SPECC1: variants seen among roughly 807,000 people sequenced by gnomAD.
SPECC1 encodes the protein cytospin-B.
Under a neutral mutation model 104.1 loss-of-function variants are expected in SPECC1, and 62 were observed. The observed-to-expected ratio is 0.60, with a 90% CI of 0.49 to 0.74. The LOEUF (loss-of-function observed/expected upper bound fraction) is 0.74. SPECC1 is among the 30% of genes least tolerant of loss of function. SPECC1 has a pLI of 0.00. For missense variants in SPECC1, 1,306 were observed against 1,310.5 expected, an observed-to-expected ratio of 1.00 and a Z score of 0.05; for synonymous variants, 513 against 501.6, an observed-to-expected ratio of 1.02 and a Z score of -0.30.
At chr17:20,210,039 A>G (rs1337498909) in intron 4 of SPECC1, among the ~76,000 whole-genome samples, 3 of 152,188 alleles carry the variant, frequency 2.0e-5, no homozygotes, top group African/African-American at 7.2e-5. Context: ...GAGTCAGCAG[A>G]GGTGAAATGA....
At chr17:20,093,726 GTTTTTTGTT>G (rs765237179) in intron 1 of SPECC1, among the ~76,000 whole-genome samples, 10,163 of 143,380 alleles carry the variant, frequency 0.071, 397 homozygotes, top group Non-Finnish European at 0.08. Flanking sequence ...TTTTGTTTTT[GTTTTTTGTT>G]TTTTTTTTTT....
intron 1 of SPECC1, among the ~76,000 whole-genome samples, chr17:20,039,306 T>A (rs2045225480): frequency 6.6e-6 from 1 of 152,220 alleles, no homozygotes; most frequent in Admixed American, 6.6e-5. Flanking sequence ...AACTCCATGC[T>A]GATTTTTTTG....
At chr17:20,257,770 G>A (rs1213805327) in intron 11 of SPECC1, among the ~76,000 whole-genome samples, 163 bp downstream of exon 11, 1 of 152,238 alleles carries the variant, frequency 6.6e-6, no homozygotes, top group African/African-American at 2.4e-5. Context: ...AAGGATGACA[G>A]TGGATAGTAG....
chr17:20,143,403 T>C (rs1170552056), intron 3 of SPECC1, among the ~76,000 whole-genome samples: 1 of 143,312 alleles, frequency 7.0e-6, no homozygotes, highest in Non-Finnish European at 1.5e-5. Context: ...AAAAAAAAAG[T>C]CCGAGCGTGG....
chr17:20,257,527 C>T lies in SPECC1; in HGVS notation c.2757C>T (p.Ser919=). 6.2e-7 allele frequency: 1 copy of T among 1,613,494 alleles called. No individual in the cohort carries two copies. Among genetic ancestry groups the T allele is most frequent in the South Asian group, 1.1e-5 (1 of 90,958 alleles). ...AGAGTCCCTCACTAGAGTCACTGAGCAGACCCCCGTCTCTGGGCTTTGGGG... is the reference window on the plus strand; with the variant it reads ...AGAGTCCCTCACTAGAGTCACTGAGTAGACCCCCGTCTCTGGGCTTTGGGG... The part of the protein sequence containing the change: ...LRKSPSLESL[S]RPPSLGFGDT... The change falls in exon 11 of 15, where the codon AGC becomes AGT. Residue 919 remains serine, a synonymous_variant. Transcript: ENST00000395527.
At chr17:20,039,037 A>C (rs533799526) in intron 1 of SPECC1, among the ~76,000 whole-genome samples, 1 of 152,286 alleles carries the variant, frequency 6.6e-6, no homozygotes, top group African/African-American at 2.4e-5. Flanking sequence ...CATCACCACA[A>C]TCAATTTTGG....
chr17:20,297,112 A>G (rs759061481), intron 13 of SPECC1, 35 bp downstream of exon 13: 3 of 1,584,464 alleles, frequency 1.9e-6, no homozygotes, highest in Non-Finnish European at 2.6e-6. Flanking sequence ...GTTATCCTCT[A>G]AGAAATGCAG....
chr17:20,112,686 C>T (rs117800688), intron 3 of SPECC1: 1 of 1,082,544 alleles, frequency 9.2e-7, no homozygotes, highest in East Asian at 2.3e-5. Context: ...GAAGGAGCAT[C>T]CCTGAAACTG....
chr17:20,226,876 C>T (rs2038242897), intron 4 of SPECC1, among the ~76,000 whole-genome samples: 1 of 152,076 alleles, frequency 6.6e-6, no homozygotes, highest in Non-Finnish European at 1.5e-5. Context: ...CTAAGGGAAC[C>T]TGGGGGTGTG....
At chr17:20,122,980 T>G (rs1311743477) in intron 3 of SPECC1, among the ~76,000 whole-genome samples, 1 of 152,156 alleles carries the variant, frequency 6.6e-6, no homozygotes, top group Non-Finnish European at 1.5e-5. Flanking sequence ...TGCTTTGACT[T>G]TTTGAGGGTA....
At chr17:20,035,756 G>A (rs1481435893) in intron 1 of SPECC1, among the ~76,000 whole-genome samples, 1 of 151,690 alleles carries the variant, frequency 6.6e-6, no homozygotes, top group Non-Finnish European at 1.5e-5. Context: ...ATTGATTTTT[G>A]TATGTTCATC....
In SPECC1 at chr17:20,091,561, C is replaced by T. The variant is rs575870755; in HGVS notation, c.-21-5070C>T. On this transcript the variant is annotated intron_variant, in intron 1 of 14. Coordinates refer to ENST00000395527, the MANE Select transcript of SPECC1 (RefSeq NM_001243439.2). ...TTGTGACACCGTAAATGCCTCTGCA[C>T]ATTGCCACGTGCCCATTGGGCTTAG... Among the ~76,000 whole-genome samples the T allele has an allele frequency of 5.3e-5, 8 of 152,346 alleles. No individual in the cohort carries two copies. The East Asian group carries it at 1.2e-3, about 22-fold the overall frequency.
intron 10 of SPECC1, among the ~76,000 whole-genome samples, chr17:20,255,196 A>C (rs2039780296): frequency 6.6e-6 from 1 of 152,168 alleles, no homozygotes; most frequent in African/African-American, 2.4e-5. Context: ...ATGAAGACCA[A>C]AGGCCAGTGT....
chr17:20,131,504 G>A (rs938994820), intron 3 of SPECC1, among the ~76,000 whole-genome samples: 19 of 151,882 alleles, frequency 1.3e-4, no homozygotes, highest in Non-Finnish European at 2.5e-4. Context: ...CTTCATTTCT[G>A]ATCTGTATGC....
At chr17:20,273,924 C>G (rs1327462693) in intron 12 of SPECC1, among the ~76,000 whole-genome samples, 2 of 152,142 alleles carry the variant, frequency 1.3e-5, no homozygotes, top group Non-Finnish European at 2.9e-5. Flanking sequence ...CTGTGGTTTT[C>G]TGGGGCTTCA....
intron 5 of SPECC1, among the ~76,000 whole-genome samples, chr17:20,229,746 A>T (rs75014990): frequency 1.4e-3 from 208 of 152,350 alleles, no homozygotes; most frequent in African/African-American, 4.9e-3. Flanking sequence ...AAGTTTGACA[A>T]TATGTATATA....
chr17:20,277,790 C>T (rs2040623352), intron 12 of SPECC1, among the ~76,000 whole-genome samples: 1 of 152,200 alleles, frequency 6.6e-6, no homozygotes, highest in Admixed American at 6.5e-5. Flanking sequence ...TCTGAATTTA[C>T]CCATTCTAGC....
At chr17:20,303,165 T>A (rs1431043774) in intron 13 of SPECC1, among the ~76,000 whole-genome samples, 1 of 139,850 alleles carries the variant, frequency 7.2e-6, no homozygotes, top group African/African-American at 2.6e-5. Flanking sequence ...ATATTTGACT[T>A]CTGGAATAAT....
At chr17:20,231,961 T>A in intron 6 of SPECC1, 130 bp downstream of exon 6, 1 of 1,033,226 alleles carries the variant, frequency 9.7e-7, no homozygotes, top group African/African-American at 1.6e-5. Flanking sequence ...AACTGTAAAT[T>A]CTTGTTGGCA....
Sources: allele counts gnomAD v4.1 joint callset (sites outside exome capture counted in the v4.1 genomes callset), GRCh38; gene constraint gnomAD v4.1.1; transcripts MANE v1.5; gene names NCBI Gene and HGNC (gene_info 2026-07-23, HGNC 2026-07-21).